NELL1: variants seen among roughly 807,000 people sequenced by gnomAD.
The protein encoded by NELL1 is neural EGFL like 1.
In NELL1, 76 loss-of-function variants were observed where a neutral mutation model predicts 107.4. The observed-to-expected ratio is 0.71, with a 90% CI of 0.59 to 0.86. The LOEUF (loss-of-function observed/expected upper bound fraction) is 0.86, where lower values mean the gene tolerates loss of function less well. Among genes scored for constraint, NELL1 ranks in the 40% least tolerant of loss-of-function variants. The pLI, the probability that NELL1 is intolerant of heterozygous loss-of-function variation, is 0.00. For synonymous variants in NELL1, 353 were observed against 341.2 expected (o/e 1.03, Z -0.38); for missense variants, 1,024 against 1,005.5 (o/e 1.02, Z -0.25).
intron 5 of NELL1, among the ~76,000 whole-genome samples, chr11:20,886,653 G>A (rs1849515105): frequency 6.6e-6 from 1 of 152,142 alleles, no homozygotes; most frequent in African/African-American, 2.4e-5. Context: ...GTTGAACAAT[G>A]AGAACACATG....
rs150403063 is a variant in NELL1 at position 21,513,541 on chromosome 11, G to A, written c.1646-20833G>A. 2.7e-3 allele frequency among the ~76,000 whole-genome samples: 411 copies of A among 152,244 alleles called. 3 individuals carry two copies. The Middle Eastern group carries it at 0.031, about 11-fold the overall frequency. On this transcript the variant is annotated intron_variant, in intron 15 of 19. Transcript: ENST00000357134. Reference sequence around the variant, plus strand: ...TATTTACATACAGATGGAAAAGGAGGAACTGCAAAATAGGCCTAGTTTTCT... The same window carrying A: ...TATTTACATACAGATGGAAAAGGAGAAACTGCAAAATAGGCCTAGTTTTCT...
chr11:20,918,839 T>C (rs995768768), intron 6 of NELL1, among the ~76,000 whole-genome samples: 5 of 152,002 alleles, frequency 3.3e-5, no homozygotes, highest in Admixed American at 6.6e-5. Flanking sequence ...AGAAGAGGGT[T>C]ACATTAGCAG....
chr11:21,116,295 T>C (rs1283417091), intron 13 of NELL1, among the ~76,000 whole-genome samples: 1 of 151,992 alleles, frequency 6.6e-6, no homozygotes, highest in Non-Finnish European at 1.5e-5. Context: ...CAGCTATTCT[T>C]GTGCTGCTGA....
intron 15 of NELL1, among the ~76,000 whole-genome samples, chr11:21,497,868 A>G (rs1461723159): frequency 1.3e-5 from 2 of 151,944 alleles, no homozygotes; most frequent in Admixed American, 6.6e-5. Context: ...TATACCTGTG[A>G]TATATTTGTT....
chr11:20,838,398 A>C (rs1365917653), intron 3 of NELL1, among the ~76,000 whole-genome samples: 1 of 151,018 alleles, frequency 6.6e-6, no homozygotes, highest in Non-Finnish European at 1.5e-5. Context: ...AGAAAATCTA[A>C]ATAAAATATA....
chr11:20,988,098 A>G (rs756706457), intron 12 of NELL1, among the ~76,000 whole-genome samples: 7 of 152,304 alleles, frequency 4.6e-5, no homozygotes, highest in Admixed American at 6.5e-5. Flanking sequence ...GGTATCTTCA[A>G]TCTGCTATTT....
intron 14 of NELL1, among the ~76,000 whole-genome samples, chr11:21,307,110 G>C (rs184885911): frequency 6.6e-6 from 1 of 152,002 alleles, no homozygotes; most frequent in East Asian, 1.9e-4. Context: ...ATTTTGTCCT[G>C]CATTATTGCT....
intron 15 of NELL1, among the ~76,000 whole-genome samples, chr11:21,451,292 C>A (rs1243572635): frequency 6.6e-6 from 1 of 151,746 alleles, no homozygotes; most frequent in African/African-American, 2.4e-5. Context: ...TTAAGCACTT[C>A]ATTAGGCTCT....
chr11:21,291,382 G>T (rs1849257676), intron 14 of NELL1, among the ~76,000 whole-genome samples: 1 of 151,332 alleles, frequency 6.6e-6, no homozygotes, highest in South Asian at 2.1e-4. Context: ...GCCCATGGAA[G>T]AAAGCAGAAT....
chr11:21,226,309 C>T lies in NELL1; in HGVS notation c.1427-3023C>T, dbSNP rs187697948. 3.7e-3 allele frequency among the ~76,000 whole-genome samples: 558 copies of T among 152,234 alleles called. 4 individuals are homozygous for T. The highest frequency in any genetic ancestry group is 6.6e-3 in the Non-Finnish European group (447 of 68,016). On this transcript the variant is annotated intron_variant, in intron 13 of 19. Transcript: ENST00000357134. ...GGGGCAAAAATACAGGAAGACAGTT[C>T]GTTGTTGGCATTATGATATCATTTC...
At chr11:21,141,743 T>A (rs1855873639) in intron 13 of NELL1, among the ~76,000 whole-genome samples, 1 of 146,316 alleles carries the variant, frequency 6.8e-6, no homozygotes, top group Non-Finnish European at 1.5e-5. Flanking sequence ...TCCTTTTTAT[T>A]TATTTATTTA....
At chr11:20,937,880 C>G in intron 10 of NELL1, 21 bp downstream of exon 10, 1 of 1,609,044 alleles carries the variant, frequency 6.2e-7, no homozygotes. Context: ...ATTTTATGGT[C>G]CCTATCACTT....
At chr11:20,999,901 G>T (rs958620742) in intron 12 of NELL1, among the ~76,000 whole-genome samples, 9 of 152,086 alleles carry the variant, frequency 5.9e-5, no homozygotes, top group Admixed American at 5.9e-4. Context: ...TCTGCCACCT[G>T]CCCTGTAAAG....
chr11:20,865,610 G>A (rs1220002737), intron 4 of NELL1, among the ~76,000 whole-genome samples: 1 of 152,146 alleles, frequency 6.6e-6, no homozygotes, highest in South Asian at 2.1e-4. Context: ...GGAGGAGAAG[G>A]TATCTATTCC....
intron 14 of NELL1, among the ~76,000 whole-genome samples, chr11:21,256,615 A>G (rs1214222428): frequency 6.6e-6 from 1 of 152,022 alleles, no homozygotes; most frequent in Non-Finnish European, 1.5e-5. Flanking sequence ...TGACCTAAAA[A>G]TGCTCACTTT....
intron 16 of NELL1, among the ~76,000 whole-genome samples, chr11:21,542,044 C>A (rs1401494363): frequency 6.6e-6 from 1 of 152,050 alleles, no homozygotes; most frequent in East Asian, 1.9e-4. Flanking sequence ...AAGCATTCAG[C>A]ACTTAGGTTT....
chr11:20,795,914 T>C (rs1409607215), intron 3 of NELL1, among the ~76,000 whole-genome samples: 2 of 152,164 alleles, frequency 1.3e-5, no homozygotes, highest in East Asian at 3.9e-4. Context: ...AATTGCTAGA[T>C]GTTTGAGCGT....
intron 12 of NELL1, among the ~76,000 whole-genome samples, chr11:21,092,795 C>A (rs1854551281): frequency 6.6e-6 from 1 of 152,136 alleles, no homozygotes; most frequent in African/African-American, 2.4e-5. Context: ...TATGTGGAGA[C>A]CTGAGAGCTA....
chr11:21,508,151 G>T (rs548578675), intron 15 of NELL1, among the ~76,000 whole-genome samples: 2 of 152,186 alleles, frequency 1.3e-5, no homozygotes, highest in African/African-American at 4.8e-5. Context: ...ATAGGAGAAA[G>T]AGACAAGGCA....
Sources: allele counts gnomAD v4.1 joint callset (sites outside exome capture counted in the v4.1 genomes callset), GRCh38; gene constraint gnomAD v4.1.1; transcripts MANE v1.5; gene names NCBI Gene and HGNC (gene_info 2026-07-23, HGNC 2026-07-21).